Variants in TG observed in about 807,000 individuals in gnomAD.
TG encodes the protein thyroid hormones.
In TG, 270 loss-of-function variants were observed where a neutral mutation model predicts 324.7. The ratio of observed to expected loss-of-function variants is 0.83; its 90% CI spans 0.75 to 0.92. The LOEUF is 0.92. Ranked by LOEUF, TG falls within the 40% of genes least tolerant of loss-of-function variation. TG has a pLI of 0.00. For synonymous variants in TG, 1,401 were observed against 1,327.0 expected (o/e 1.06, Z -1.21); for missense variants, 3,591 against 3,456.4 (o/e 1.04, Z -0.98).
chr8:133,120,020 G>A (rs1408312738), intron 45 of TG, among the ~76,000 whole-genome samples: 1 of 152,184 alleles, frequency 6.6e-6, no homozygotes, highest in Non-Finnish European at 1.5e-5. Flanking sequence ...TCCTAATCCA[G>A]TGGTCTATGG....
rs545427257 is a variant in TG at position 132,981,447 on chromosome 8, A to T, written c.6200-1903A>T. Among the ~76,000 whole-genome samples, 23 of 152,334 alleles carry T rather than the reference A, an allele frequency of 1.5e-4. 1 individual carries two copies. The South Asian group carries it at 4.3e-3, about 29-fold the overall frequency. On this transcript the variant is annotated intron_variant, in intron 34 of 47. Transcript: ENST00000220616. ...TAGATAGTCAAATTATTCTCTGAAGATTGCACTCTCAGGAGCCTGGTTCTG... is the reference window on the plus strand; with the variant it reads ...TAGATAGTCAAATTATTCTCTGAAGTTTGCACTCTCAGGAGCCTGGTTCTG...
At chr8:132,972,803 A>G in intron 34 of TG, 62 bp downstream of exon 34, 2 of 1,601,158 alleles carry the variant, frequency 1.2e-6, no homozygotes, top group South Asian at 1.1e-5. Flanking sequence ...CCAGCCATGC[A>G]TTAGGACAAT....
chr8:132,869,565 T>C (rs1839283051), intron 2 of TG, among the ~76,000 whole-genome samples, 164 bp from the exon 3 acceptor site: 1 of 152,156 alleles, frequency 6.6e-6, no homozygotes, highest in Non-Finnish European at 1.5e-5. Flanking sequence ...GTGGGGCCTT[T>C]CCTTTCCCAG....
intron 35 of TG, among the ~76,000 whole-genome samples, chr8:132,984,791 A>C (rs1831314364): frequency 6.6e-6 from 1 of 152,026 alleles, no homozygotes; most frequent in Non-Finnish European, 1.5e-5. Flanking sequence ...AAAATACAAA[A>C]ATTAGTCAGG....
chr8:133,096,419 A>C, intron 43 of TG, 46 bp downstream of exon 43: 5 of 1,611,066 alleles, frequency 3.1e-6, no homozygotes, highest in Non-Finnish European at 4.2e-6. Context: ...GGCATTTCCT[A>C]AGGGCTCTGG....
chr8:133,038,414 TA>T, intron 41 of TG: 2 of 839,232 alleles, frequency 2.4e-6, no homozygotes, highest in Non-Finnish European at 4.0e-6. Flanking sequence ...TCTTGGCTTC[TA>T]AAATACGTGA....
In TG at chr8:133,133,545, T is replaced by C; in HGVS notation, c.8073T>C (p.Arg2691=). ...FATPWPDFVP[R]AGGENYKEFS... Reference sequence around the variant, plus strand: ...CCCCCTGGCCTGACTTTGTACCCCGTGCTGGTGGAGAGAACTACAAGGAGT... The same window carrying C: ...CCCCCTGGCCTGACTTTGTACCCCGCGCTGGTGGAGAGAACTACAAGGAGT... The change falls in exon 47 of 48, where the codon CGT becomes CGC. Residue 2691 remains arginine, a synonymous_variant. Coordinates refer to ENST00000220616, the MANE Select transcript of TG (RefSeq NM_003235.5). 1.2e-6 allele frequency: 2 copies of C among 1,614,200 alleles called. No individual in the cohort carries two copies. The highest frequency in any genetic ancestry group is 2.2e-5 in the South Asian group (2 of 91,086).
Position 133,096,590 on chromosome 8 carries a change from A to G in TG, c.7572+217A>G, listed in dbSNP as rs527631084. ...GCACATCCACAAATTACAGCTGTGA[A>G]TGAATCGCTGTGGAAAACTGGAGCT... On this transcript the variant is annotated intron_variant, in intron 43 of 47. Transcript: ENST00000220616. 3.3e-5 allele frequency among the ~76,000 whole-genome samples: 5 copies of G among 152,310 alleles called. No individual in the cohort carries two copies. The East Asian group carries it at 9.7e-4, about 29-fold the overall frequency.
intron 41 of TG, chr8:133,038,466 C>T (rs1245765853): frequency 7.3e-7 from 1 of 1,377,316 alleles, no homozygotes; most frequent in East Asian, 2.3e-5. Flanking sequence ...CGCAAGATCC[C>T]AGGCAATAGT....
intron 43 of TG, among the ~76,000 whole-genome samples, chr8:133,101,553 G>A (rs1849256322): frequency 6.6e-6 from 1 of 151,280 alleles, no homozygotes; most frequent in African/African-American, 2.4e-5. Context: ...CCCATCTGGG[G>A]CTGAGAAACA....
intron 41 of TG, among the ~76,000 whole-genome samples, chr8:133,077,805 C>CTG (rs1194899092): frequency 2.6e-5 from 4 of 151,562 alleles, no homozygotes; most frequent in Admixed American, 2.6e-4. Flanking sequence ...CAGGGCTGAC[C>CTG]TGTGCATTGG....
chr8:132,979,639 G>T (rs530477186), intron 34 of TG, among the ~76,000 whole-genome samples: 72 of 152,288 alleles, frequency 4.7e-4, no homozygotes, highest in African/African-American at 1.5e-3. Context: ...ACAATCTCAT[G>T]AGGTAGGGCC....
At chr8:133,047,564 G>A (rs1839663078) in intron 41 of TG, 1 of 495,164 alleles carries the variant, frequency 2.0e-6, no homozygotes, top group Non-Finnish European at 3.7e-6. Flanking sequence ...GTTCTCAGTT[G>A]CTGGAAAAAT....
Position 133,116,694 on chromosome 8 carries a change from C to A in TG, c.7840C>A (p.Pro2614Thr), listed in dbSNP as rs147063782. Residue 2614 changes from proline to threonine, a missense_variant, in exon 45 of 48, where the codon CCT (proline) becomes ACT (threonine). Transcript: ENST00000220616. The stretch of plus-strand genomic sequence containing the variant: ...AGGAAACGTCTTCATGTACCATGCT[C>A]CTGAAAACTACGGCCATGGCAGGTA... ...ARGNVFMYHA[P>T]ENYGHGSLEL... The A allele has an allele frequency of 9.0e-5, 145 of 1,614,212 alleles. 1 individual carries two copies. The African/African-American group carries it at 1.1e-3, about 13-fold the overall frequency.
At chr8:133,019,570 T>C in intron 38 of TG, 32 bp from the exon 39 acceptor site, 1 of 1,599,078 alleles carries the variant, frequency 6.3e-7, no homozygotes, top group Non-Finnish European at 8.6e-7. Context: ...TGATGGAGCA[T>C]GTCTTGGAAG....
chr8:133,088,247 T>C (rs2131586229), intron 41 of TG, among the ~76,000 whole-genome samples: 1 of 148,676 alleles, frequency 6.7e-6, no homozygotes, highest in South Asian at 2.1e-4. Flanking sequence ...GGAGCCAGGC[T>C]CCCCTCCTGC....
rs60661406 is a variant in TG at position 132,938,536 on chromosome 8, C to A, written c.5041+2672C>A. On this transcript the variant is annotated intron_variant, in intron 25 of 47. Transcript: ENST00000220616. ...TTCATTGTCTAGGCTTCTACCACTG[C>A]GGTGCAATAAGCACTTTTGTAGGCA... is the stretch of plus-strand genomic sequence containing the variant. 5.3e-3 allele frequency among the ~76,000 whole-genome samples: 811 copies of A among 152,268 alleles called. 28 individuals carry two copies. Among genetic ancestry groups the A allele is most frequent in the Admixed American group, 0.045 (685 of 15,294 alleles).
intron 45 of TG, among the ~76,000 whole-genome samples, chr8:133,118,525 A>G (rs1850889347): frequency 6.6e-6 from 1 of 151,928 alleles, no homozygotes; most frequent in Non-Finnish European, 1.5e-5. Flanking sequence ...GGGTTTCACC[A>G]TGTTGGCCAG....
intron 41 of TG, among the ~76,000 whole-genome samples, chr8:133,057,816 C>A (rs10087449): frequency 0.3 from 44,879 of 151,244 alleles, 6,859 homozygotes; most frequent in African/African-American, 0.35. Context: ...AAGCCATGTT[C>A]CAAGGCATTC....
Sources: allele counts gnomAD v4.1 joint callset (sites outside exome capture counted in the v4.1 genomes callset), GRCh38; gene constraint gnomAD v4.1.1; transcripts MANE v1.5; gene names NCBI Gene and HGNC (gene_info 2026-07-23, HGNC 2026-07-21).